DAPK1: variants seen among roughly 807,000 people sequenced by gnomAD.
The protein encoded by DAPK1 is death-associated protein kinase 1.
In DAPK1, 56 loss-of-function variants were observed where a neutral mutation model predicts 144.9. The ratio of observed to expected loss-of-function variants is 0.39; its 90% CI spans 0.31 to 0.48. The LOEUF is 0.48. DAPK1 is among the 20% of genes least tolerant of loss of function. DAPK1 has a pLI of 0.95. For synonymous variants in DAPK1, 690 were observed against 749.0 expected (o/e 0.92, Z 1.29); for missense variants, 1,454 against 1,875.4 (o/e 0.78, Z 4.15).
intron 2 of DAPK1, among the ~76,000 whole-genome samples, chr9:87,507,187 A>G (rs948518677): frequency 1.3e-5 from 2 of 152,140 alleles, no homozygotes; most frequent in African/African-American, 4.8e-5. Context: ...ATTGAAGTAT[A>G]ATGTTGCTTA....
intron 21 of DAPK1, among the ~76,000 whole-genome samples, chr9:87,687,380 A>G (rs1190187547): frequency 2.0e-5 from 3 of 152,182 alleles, no homozygotes; most frequent in East Asian, 3.9e-4. Flanking sequence ...GAATGAGAAC[A>G]TGCAGTATTT....
At chr9:87,583,079 G>A (rs906849805) in intron 2 of DAPK1, among the ~76,000 whole-genome samples, 18 of 152,170 alleles carry the variant, frequency 1.2e-4, no homozygotes, top group African/African-American at 4.1e-4. Context: ...ATGGCATGCC[G>A]TTTTTCTTTC....
chr9:87,504,419 C>G (rs1017776410), intron 2 of DAPK1, among the ~76,000 whole-genome samples: 1 of 152,098 alleles, frequency 6.6e-6, no homozygotes, highest in Non-Finnish European at 1.5e-5. Flanking sequence ...TGCTGGATTA[C>G]TAGGGCAGGC....
chr9:87,600,822 C>T (rs957717888), intron 2 of DAPK1, among the ~76,000 whole-genome samples: 2 of 152,198 alleles, frequency 1.3e-5, no homozygotes, highest in Non-Finnish European at 2.9e-5. Flanking sequence ...TGACTGGCCT[C>T]AGTGCATGGG....
chr9:87,523,560 A>G (rs996671205), intron 2 of DAPK1, among the ~76,000 whole-genome samples: 29 of 152,288 alleles, frequency 1.9e-4, no homozygotes, highest in African/African-American at 6.5e-4. Flanking sequence ...TTGACCTCCC[A>G]AAGTGTTGGG....
At chr9:87,558,116 G>T (rs1158592887) in intron 2 of DAPK1, among the ~76,000 whole-genome samples, 1 of 152,096 alleles carries the variant, frequency 6.6e-6, no homozygotes, top group African/African-American at 2.4e-5. Flanking sequence ...GTGGTAATGG[G>T]CAGTTAGCTT....
In DAPK1 at chr9:87,562,414, T is replaced by C. The variant is rs914233663; in HGVS notation, c.63-42540T>C. On this transcript the variant is annotated intron_variant, in intron 2 of 25. Transcript: ENST00000408954. ...AGGCTGTCACAAATTAAGGACTGGGTCTTGAGGCTTTCGTCGGGAACCAAC... is the reference window on the plus strand; with the variant it reads ...AGGCTGTCACAAATTAAGGACTGGGCCTTGAGGCTTTCGTCGGGAACCAAC... Among the ~76,000 whole-genome samples the C allele has an allele frequency of 7.2e-5, 11 of 152,234 alleles. 1 individual carries two copies. The highest frequency in any genetic ancestry group is 5.9e-4 in the Admixed American group (9 of 15,290).
At chr9:87,641,802 C>T (rs575977119) in intron 9 of DAPK1, among the ~76,000 whole-genome samples, 167 bp from the exon 10 acceptor site, 3 of 152,290 alleles carry the variant, frequency 2.0e-5, no homozygotes, top group South Asian at 2.1e-4. Context: ...AGAGTGAGCC[C>T]GCTAAGACTA....
chr9:87,634,389 C>T (rs1170304039), intron 3 of DAPK1, among the ~76,000 whole-genome samples: 1 of 152,204 alleles, frequency 6.6e-6, no homozygotes, highest in Non-Finnish European at 1.5e-5. Context: ...TCTCCAAGGA[C>T]ATCTCTTCTT....
chr9:87,604,904 A>T, intron 2 of DAPK1, 50 bp from the exon 3 acceptor site: 4 of 1,573,212 alleles, frequency 2.5e-6, no homozygotes, highest in Non-Finnish European at 3.5e-6. Flanking sequence ...CCTCACTCAA[A>T]TCCTGTTTTT....
At chr9:87,681,787 G>C in intron 20 of DAPK1, 161 bp downstream of exon 20, 3 of 649,180 alleles carry the variant, frequency 4.6e-6, no homozygotes, top group East Asian at 2.7e-5. Context: ...TGGTAGCCTT[G>C]TGTGTGCTGC....
intron 2 of DAPK1, among the ~76,000 whole-genome samples, chr9:87,581,149 T>C (rs1276972056): frequency 1.3e-5 from 2 of 152,218 alleles, no homozygotes; most frequent in Non-Finnish European, 2.9e-5. Context: ...TTTCCCTAGC[T>C]GTTCAGACTA....
At chr9:87,660,798 A>C (rs35630410) in intron 18 of DAPK1, among the ~76,000 whole-genome samples, 27,709 of 152,046 alleles carry the variant, frequency 0.18, 2,600 homozygotes, top group South Asian at 0.23. Context: ...CCATGTTGCT[A>C]CAAAGGACAT....
At chr9:87,541,947 A>G (rs1351240878) in intron 2 of DAPK1, among the ~76,000 whole-genome samples, 1 of 152,182 alleles carries the variant, frequency 6.6e-6, no homozygotes, top group Non-Finnish European at 1.5e-5. Context: ...AATGGTATTG[A>G]TAGCAACACA....
intron 18 of DAPK1, chr9:87,668,319 G>A (rs1436660873): frequency 7.1e-6 from 3 of 424,834 alleles, no homozygotes; most frequent in Admixed American, 4.0e-5. Context: ...GGAGGCTGTT[G>A]AGTTGTGATT....
At chr9:87,675,963 C>T (rs1294172523) in intron 19 of DAPK1, among the ~76,000 whole-genome samples, 1 of 151,460 alleles carries the variant, frequency 6.6e-6, no homozygotes, top group Non-Finnish European at 1.5e-5. Flanking sequence ...TCTGCCTCCT[C>T]CTCTCCCCAG....
rs536922978 is a variant in DAPK1, at chr9:87,637,442, C to A, written c.285-501C>A. ...GTTAGTATTTACATACAAACCAATA[C>A]TAGACAAGAGAGGAAAAAACCCTTA... is the stretch of plus-strand genomic sequence containing the variant. On this transcript the variant is annotated intron_variant, in intron 3 of 25. Transcript: ENST00000408954. Among the ~76,000 whole-genome samples, 11 of 152,154 alleles carry A rather than the reference C, an allele frequency of 7.2e-5. 1 individual carries two copies. In the South Asian group the frequency reaches 2.3e-3, roughly 32 times the overall value.
At chr9:87,577,142 G>A (rs1456480487) in intron 2 of DAPK1, among the ~76,000 whole-genome samples, 1 of 152,178 alleles carries the variant, frequency 6.6e-6, no homozygotes, top group East Asian at 1.9e-4. Flanking sequence ...AGATCAACGA[G>A]GCAAACCTAA....
chr9:87,674,731 C>T (rs934506004), intron 19 of DAPK1, among the ~76,000 whole-genome samples: 3 of 152,146 alleles, frequency 2.0e-5, no homozygotes, highest in African/African-American at 4.8e-5. Flanking sequence ...AAGGCCACAT[C>T]GCCTCTCAGT....
Sources: gnomAD v4.1 joint callset for allele counts (sites outside exome capture counted in the v4.1 genomes callset) on GRCh38, gnomAD v4.1.1 for gene constraint, MANE v1.5 for transcripts, NCBI Gene and HGNC (gene_info 2026-07-23, HGNC 2026-07-21) for gene names.